Variants in CPVL observed in about 807,000 individuals in gnomAD.
The protein encoded by CPVL is probable serine carboxypeptidase CPVL.
In CPVL, 51 loss-of-function variants were observed where a neutral mutation model predicts 63.7. The ratio of observed to expected loss-of-function variants is 0.80; its 90% confidence interval spans 0.64 to 1.01. The LOEUF (loss-of-function observed/expected upper bound fraction) is 1.01. Among genes scored for constraint, CPVL ranks in the 50% least tolerant of loss-of-function variants. CPVL has a pLI of 0.00. For missense variants in CPVL, 530 were observed against 573.1 expected, an observed-to-expected ratio of 0.92 and a Z score of 0.77; for synonymous variants, 195 against 206.0, an observed-to-expected ratio of 0.95 and a Z score of 0.46.
At chr7:29,086,223 C>T (rs1275050764) in intron 7 of CPVL, among the ~76,000 whole-genome samples, 4 of 151,954 alleles carry the variant, frequency 2.6e-5, no homozygotes, top group Non-Finnish European at 4.4e-5. Flanking sequence ...ACCCAGGAGG[C>T]GCAGGTTGCA....
intron 7 of CPVL, among the ~76,000 whole-genome samples, chr7:29,072,687 T>C (rs904206261): frequency 6.6e-5 from 10 of 152,316 alleles, no homozygotes; most frequent in Admixed American, 3.3e-4. Context: ...AACATTCTAA[T>C]TTCCTTCCAA....
chr7:29,097,476 C>T (rs1288698583), intron 3 of CPVL, among the ~76,000 whole-genome samples: 2 of 152,214 alleles, frequency 1.3e-5, no homozygotes, highest in Non-Finnish European at 2.9e-5. Context: ...GGGTGGATCA[C>T]CTTAGTTCGG....
intron 1 of CPVL, among the ~76,000 whole-genome samples, chr7:29,121,937 C>T (rs908355904): frequency 2.0e-5 from 3 of 152,166 alleles, no homozygotes; most frequent in African/African-American, 7.2e-5. Context: ...AAATTAAAGA[C>T]ATTAGGCCCC....
intron 11 of CPVL, among the ~76,000 whole-genome samples, chr7:29,059,089 A>AT (rs1335372442): frequency 2.0e-5 from 3 of 152,018 alleles, no homozygotes; most frequent in Non-Finnish European, 4.4e-5. Context: ...TTCAAAAAAA[A>AT]TTTTTTTAAG....
intron 5 of CPVL, among the ~76,000 whole-genome samples, chr7:29,172,402 T>C (rs1343497314): frequency 6.6e-6 from 1 of 152,204 alleles, no homozygotes; most frequent in Non-Finnish European, 1.5e-5. Flanking sequence ...TCTAAAGTTT[T>C]CTTAATATGC....
At chr7:29,053,508 T>TG (rs1328039866) in intron 11 of CPVL, among the ~76,000 whole-genome samples, 4 of 152,178 alleles carry the variant, frequency 2.6e-5, no homozygotes, top group Non-Finnish European at 5.9e-5. Flanking sequence ...ACAATTTCAT[T>TG]TATAAGAAAT....
rs140360670 is a variant in CPVL at position 29,139,038 on chromosome 7, T to A, written c.-11+7391A>T. Among the ~76,000 whole-genome samples the A allele has an allele frequency of 2.1e-3, 319 of 152,232 alleles. 2 individuals carry two copies. The highest frequency in any genetic ancestry group is 0.014 in the Admixed American group (214 of 15,284). On this transcript the variant is annotated intron_variant, in intron 1 of 12. Transcript: ENST00000265394. Reference sequence around the variant, plus strand: ...TCTGCTGAGTGGGTTTCAACTTCCATCCCACTTGAAAGGTGTGCTGAGAAA... The same window carrying A: ...TCTGCTGAGTGGGTTTCAACTTCCAACCCACTTGAAAGGTGTGCTGAGAAA...
At chr7:29,025,546 C>T (rs552000656) in intron 12 of CPVL, among the ~76,000 whole-genome samples, 2 of 152,290 alleles carry the variant, frequency 1.3e-5, no homozygotes, top group African/African-American at 4.8e-5. Context: ...AATCACATTT[C>T]AGCTTGAGAC....
chr7:29,026,398 G>A (rs1468251681), intron 12 of CPVL, among the ~76,000 whole-genome samples: 1 of 151,922 alleles, frequency 6.6e-6, no homozygotes, highest in African/African-American at 2.4e-5. Context: ...ACCTAAAGAT[G>A]CATCTTTAAA....
chr7:29,106,526 G>C (rs1787735869), intron 3 of CPVL, among the ~76,000 whole-genome samples: 1 of 152,118 alleles, frequency 6.6e-6, no homozygotes, highest in Non-Finnish European at 1.5e-5. Context: ...GCAGGACATA[G>C]GCACAGAAAG....
At chr7:29,180,007 A>G (rs1797860053) in intron 5 of CPVL, among the ~76,000 whole-genome samples, 1 of 152,248 alleles carries the variant, frequency 6.6e-6, no homozygotes, top group Non-Finnish European at 1.5e-5. Context: ...CCCTGCAGAC[A>G]GTGGAAATAT....
upstream of CPVL, chr7:29,195,326 G>A (rs1379002717): frequency 6.5e-6 from 2 of 308,210 alleles, no homozygotes; most frequent in East Asian, 6.4e-5. Flanking sequence ...TGGCGGGGCG[G>A]AGAAGGTTGG....
At position 29,095,064 on chromosome 7, in the gene CPVL, C is replaced by T. The variant is rs746322476; in HGVS notation, c.462+20G>A. On this transcript the variant is annotated intron_variant, in intron 5 of 12. Transcript: ENST00000265394. ...AGGAGACGCCAGCACTGACAGCTCA[C>T]AGGGTCATCCCGGACTTACTGGATT... is the stretch of plus-strand genomic sequence containing the variant. The T allele has an allele frequency of 3.1e-6, 5 of 1,604,304 alleles. No individual in the cohort carries two copies. Among genetic ancestry groups the T allele is most frequent in the Non-Finnish European group, 4.3e-6 (5 of 1,171,066 alleles).
chr7:29,071,497 T>C (rs908272791), intron 9 of CPVL, among the ~76,000 whole-genome samples: 1 of 152,194 alleles, frequency 6.6e-6, no homozygotes, highest in African/African-American at 2.4e-5. Flanking sequence ...CTCCACAGCA[T>C]TTAAAGAAAT....
chr7:29,004,863 A>G (rs538031255), intron 12 of CPVL, among the ~76,000 whole-genome samples: 1 of 151,560 alleles, frequency 6.6e-6, no homozygotes, highest in African/African-American at 2.4e-5. Flanking sequence ...GATGCAGGGC[A>G]TCTGGTCTAC....
At chr7:29,180,738 C>CCAGT (rs1797967751) in intron 5 of CPVL, among the ~76,000 whole-genome samples, 2 of 152,150 alleles carry the variant, frequency 1.3e-5, no homozygotes, top group Non-Finnish European at 2.9e-5. Context: ...GCACTAGAGT[C>CCAGT]CAGTGATTAA....
At chr7:29,172,900 G>A (rs564595222) in intron 5 of CPVL, among the ~76,000 whole-genome samples, 1 of 152,230 alleles carries the variant, frequency 6.6e-6, no homozygotes, top group East Asian at 1.9e-4. Context: ...GGAGGCCGAG[G>A]TGGGTGGATC....
chr7:29,078,838 T>C (rs1048112682), intron 7 of CPVL, among the ~76,000 whole-genome samples: 2 of 152,218 alleles, frequency 1.3e-5, no homozygotes, highest in Non-Finnish European at 2.9e-5. Flanking sequence ...CGGTTGCAGC[T>C]TAAACCCTGA....
intron 12 of CPVL, among the ~76,000 whole-genome samples, chr7:29,001,892 G>C (rs1784677844): frequency 6.6e-6 from 1 of 152,158 alleles, no homozygotes; most frequent in Non-Finnish European, 1.5e-5. Flanking sequence ...TTCTGACTGT[G>C]ACACAATAGC....
Sources: gnomAD v4.1 joint callset for allele counts (sites outside exome capture counted in the v4.1 genomes callset) on GRCh38, gnomAD v4.1.1 for gene constraint, MANE v1.5 for transcripts, NCBI Gene and HGNC (gene_info 2026-07-23, HGNC 2026-07-21) for gene names.